The following SH3D21 variants were observed in gnomAD, a reference collection of about 807,000 sequenced individuals.
The protein encoded by SH3D21 is SH3 domain-containing protein 21.
Under a neutral mutation model 82.1 loss-of-function variants are expected in SH3D21, and 83 were observed. The observed-to-expected ratio is 1.01, with a 90% CI of 0.85 to 1.21. The LOEUF (loss-of-function observed/expected upper bound fraction) is 1.21. Ranked by LOEUF, SH3D21 falls within the 50% of genes most tolerant of loss-of-function variation. SH3D21 has a pLI of 0.00. For synonymous variants in SH3D21, 383 were observed against 387.8 expected (o/e 0.99, Z 0.15); for missense variants, 980 against 962.1 (o/e 1.02, Z -0.25).
downstream of SH3D21, chr1:36,323,682 G>A (rs1646508874): frequency 6.6e-6 from 1 of 152,082 alleles, no homozygotes; most frequent in Non-Finnish European, 1.5e-5. Context: ...GGGGAGGCGG[G>A]GAGGAAAAGG....
chr1:36,326,970 G>A (rs1292849884), downstream of SH3D21, among the ~76,000 whole-genome samples: 1 of 152,190 alleles, frequency 6.6e-6, no homozygotes, highest in Non-Finnish European at 1.5e-5. Context: ...GAATCTGGCT[G>A]AAAATGATAT....
At chr1:36,321,756 G>A, downstream of SH3D21, 2 of 1,004,156 alleles carry the variant, frequency 2.0e-6, no homozygotes, top group Non-Finnish European at 2.4e-6. The surrounding 1 kb of genome is among the most constrained non-coding windows in gnomAD (Gnocchi z 6.1). Flanking sequence ...GGGACAGGGC[G>A]ACGTGTGTCC....
Position 36,306,902 on chromosome 1 carries a change from C to G in SH3D21, c.223C>G (p.Arg75Gly). The G allele has an allele frequency of 1.5e-6, 2 of 1,320,960 alleles. No homozygotes were observed. Among genetic ancestry groups the G allele is most frequent in the Non-Finnish European group, 9.9e-7 (1 of 1,010,404 alleles). The allele number at this position is 1,320,960 out of a possible 1,614,324, so 81.8% of individuals were successfully genotyped here. A position where few individuals can be genotyped will look rare whatever the true frequency, so the allele number is the denominator to read the frequency against. Residue 75 changes from arginine to glycine, a missense_variant, in exon 3 of 16, where the codon CGA becomes GGA. By Grantham distance (125) the Arg-to-Gly change is moderately radical (BLOSUM62 -2). Transcript: ENST00000453908. The surrounding 1 kb of genome is among the most constrained non-coding windows in gnomAD (Gnocchi z 4.5). ...EARRPRCARR[R>G]GHPAKHPRPQ... The stretch of plus-strand genomic sequence containing the variant: ...GCGGAGGCCGCGCTGTGCGCGCCGC[C>G]GAGGTGAGCGCAAGGGCGGGGACGG...
chr1:36,318,459 TGA>T (rs1229744206), intron 10 of SH3D21, among the ~76,000 whole-genome samples: 5 of 151,942 alleles, frequency 3.3e-5, no homozygotes, highest in African/African-American at 1.2e-4. Context: ...AGAGAGTAAA[TGA>T]GAGAGAATAT....
At chr1:36,309,405 C>A in intron 9 of SH3D21, 143 bp from the exon 10 acceptor site, 2 of 872,492 alleles carry the variant, frequency 2.3e-6, no homozygotes, top group Non-Finnish European at 1.7e-6. Context: ...CCATGTTGGC[C>A]AAGCTGGTCT....
Position 36,307,438 on chromosome 1 carries a change from G to C in SH3D21, c.346-79G>C. ...GGAAGGAGGGAGGAAGGGGCGCTTG[G>C]GCAGAACCAAGGGTGGCAGATTATC... is the stretch of plus-strand genomic sequence containing the variant. On this transcript the variant is annotated intron_variant, in intron 4 of 15. Transcript: ENST00000453908. This position sits in a 1 kb window ranked among gnomAD's most constrained non-coding sequence, Gnocchi z 5.4. 6.6e-7 allele frequency: 1 copy of C among 1,520,170 alleles called. No individual in the cohort carries two copies. Among genetic ancestry groups the C allele is most frequent in the Non-Finnish European group, 8.9e-7 (1 of 1,123,284 alleles). 94.2% of individuals were successfully genotyped at this position (1,520,170 alleles called of 1,614,324 possible).
downstream of SH3D21, chr1:36,324,889 C>G (rs1557493241): frequency 6.6e-6 from 1 of 152,158 alleles, no homozygotes; most frequent in Non-Finnish European, 1.5e-5. Flanking sequence ...TCAACAAATA[C>G]TGTGTATGCC....
intron 13 of SH3D21, 27 bp from the exon 14 acceptor site, chr1:36,319,648 C>G (rs748710594): frequency 1.9e-6 from 3 of 1,558,146 alleles, no homozygotes; most frequent in South Asian, 2.4e-5. Context: ...TCAACCTCAG[C>G]TGAGACTTCA....
In SH3D21 at chr1:36,319,479, C is replaced by T; in HGVS notation, c.954C>T (p.His318=). The T allele has an allele frequency of 6.4e-7, 1 of 1,551,680 alleles. No individual in the cohort carries two copies. Among genetic ancestry groups the T allele is most frequent in the South Asian group, 1.2e-5 (1 of 84,056 alleles). ...GCTTCCAAAGTGGGGGTTCGTATCA[C>T]CCTGGCCGAAAGCGATCCAAAACCC... ...NGGFQSGGSY[H]PGRKRSKTQT... is the part of the protein sequence containing the mutation. The change falls in exon 13 of 16, where the codon CAC becomes CAT. Residue 318 remains histidine (H), a synonymous_variant. Transcript: ENST00000453908.
Position 36,320,573 on chromosome 1 carries a change from A to G in SH3D21, c.1910A>G (p.Lys637Arg), listed in dbSNP as rs1483808470. Residue 637 changes from lysine to arginine, a missense_variant, in exon 14 of 16, where the codon AAA becomes AGA. Transcript: ENST00000453908. ...EVTLKEELPP[K>R]EEVAPKEEVP... ...ACCCTGAAAGAGGAATTGCCCCCTA[A>G]AGAGGAAGTGGCTCCAAAAGAGGAG... 1 of 1,614,088 alleles carries G rather than the reference A, an allele frequency of 6.2e-7. No homozygotes were observed. The highest frequency in any genetic ancestry group is 1.3e-5 in the African/African-American group (1 of 74,936).
Position 36,307,129 on chromosome 1 carries a change from C to T in SH3D21, c.227-38C>T, listed in dbSNP as rs1367241935. 5.8e-6 allele frequency: 9 copies of T among 1,549,752 alleles called. No homozygotes were observed. Among genetic ancestry groups the T allele is most frequent in the Non-Finnish European group, 7.9e-6 (9 of 1,145,966 alleles). ...CTTCCCCCAGCTCCTCTGACTGGGG[C>T]GTCCGACTGGAGCTCAGCCGCGCTT... On this transcript the variant is annotated intron_variant, in intron 3 of 15. Coordinates refer to ENST00000453908, the MANE Select transcript of SH3D21 (RefSeq NM_001162530.2). The surrounding 1 kb of genome is among the most constrained non-coding windows in gnomAD (Gnocchi z 5.4).
rs756565493 is a variant in SH3D21 at position 36,319,930 on chromosome 1, GAGGAC to G, written c.1269_1273del (p.Asp424GlyfsTer41). On this transcript the variant is annotated frameshift_variant, in exon 14 of 16. Transcript: ENST00000453908. LOFTEE classifies it high-confidence loss of function. Reference sequence around the variant, plus strand: ...CACCCCAGAGAAGATGGTGACTCCGGAGGACAAGGCTTCTATCCCAGAGAACTCCA... The same window carrying G: ...CACCCCAGAGAAGATGGTGACTCCGGAAGGCTTCTATCCCAGAGAACTCCA... 1 of 1,614,076 alleles carries G rather than the reference GAGGAC, an allele frequency of 6.2e-7. No homozygotes were observed. The highest frequency in any genetic ancestry group is 2.2e-5 in the East Asian group (1 of 44,878).
chr1:36,327,370 G>A (rs1646555552), downstream of SH3D21, among the ~76,000 whole-genome samples: 1 of 152,232 alleles, frequency 6.6e-6, no homozygotes, highest in Non-Finnish European at 1.5e-5. Flanking sequence ...GAATATCGGT[G>A]TGTGCTACAG....
rs775873656 is a variant in SH3D21, at chr1:36,307,264, G to T, written c.324G>T (p.Glu108Asp). 1 of 1,551,858 alleles carries T rather than the reference G, an allele frequency of 6.4e-7. No homozygotes were observed. The highest frequency in any genetic ancestry group is 1.2e-5 in the South Asian group (1 of 84,066). ...ACGAGCTGAAGCTGCAAGCTGGGGA[G>T]ATCGTGGAAATGATAAAGGAGGTGA... ...QADELKLQAGEIVEMIKEIED... is the reference protein window; with the variant it reads ...QADELKLQAGDIVEMIKEIED... Residue 108 changes from glutamate (E) to aspartate (D), a missense_variant, in exon 4 of 16, where the codon GAG becomes GAT. Physicochemically the swap from Glu to Asp is conservative, Grantham distance 45. Coordinates refer to ENST00000453908, the MANE Select transcript of SH3D21 (RefSeq NM_001162530.2). This position sits in a 1 kb window ranked among gnomAD's most constrained non-coding sequence, Gnocchi z 5.4.
At chr1:36,321,372 T>A (rs1238919653), downstream of SH3D21, 14 of 1,351,882 alleles carry the variant, frequency 1.0e-5, no homozygotes, top group Non-Finnish European at 1.3e-5. This position sits in a 1 kb window ranked among gnomAD's most constrained non-coding sequence, Gnocchi z 6.1. Flanking sequence ...CGGCTATTTT[T>A]ATCCACCGGA....
chr1:36,319,025 G>A (rs1017885488), intron 10 of SH3D21, 46 bp from the exon 11 acceptor site: 31 of 1,168,670 alleles, frequency 2.7e-5, no homozygotes, highest in Non-Finnish European at 3.9e-5. Flanking sequence ...ACAAGACAGG[G>A]CTAGCGACTG....
downstream of SH3D21, among the ~76,000 whole-genome samples, chr1:36,329,640 G>A (rs576842749): frequency 2.7e-4 from 41 of 152,148 alleles, 1 homozygote; most frequent in African/African-American, 8.7e-4. Flanking sequence ...GGAGCTCAGC[G>A]TTTGAACAGG....
chr1:36,313,020 G>A (rs1351387530), intron 10 of SH3D21, among the ~76,000 whole-genome samples: 4 of 151,994 alleles, frequency 2.6e-5, no homozygotes, highest in Admixed American at 6.6e-5. Context: ...CCTATCTGGT[G>A]GATCTTATAT....
At chr1:36,326,693 G>C (rs1287975758), downstream of SH3D21, among the ~76,000 whole-genome samples, 1 of 152,184 alleles carries the variant, frequency 6.6e-6, no homozygotes, top group Non-Finnish European at 1.5e-5. Flanking sequence ...GAGTAGGCTG[G>C]CAGCTGTCCA....
Sources: gnomAD v4.1 joint callset for allele counts (sites outside exome capture counted in the v4.1 genomes callset) on GRCh38, gnomAD v4.1.1 for gene constraint, Gnocchi (gnomAD v3.1) non-coding constraint, MANE v1.5 for transcripts, NCBI Gene and HGNC (gene_info 2026-07-23, HGNC 2026-07-21) for gene names.